The following CAB39L variants were observed in gnomAD, a reference collection of about 807,000 sequenced individuals.
CAB39L encodes the protein calcium binding protein 39 like.
In CAB39L, 23 loss-of-function variants were observed where a neutral mutation model predicts 39.1. That is an observed-to-expected ratio of 0.59 (90% CI 0.42 to 0.83). The LOEUF (loss-of-function observed/expected upper bound fraction) is 0.83, where lower values mean the gene tolerates loss of function less well. CAB39L is among the 40% of genes least tolerant of loss of function. CAB39L has a pLI of 0.00. For synonymous variants in CAB39L, 126 were observed against 137.2 expected (o/e 0.92, Z 0.57); for missense variants, 366 against 391.9 (o/e 0.93, Z 0.56).
chr13:49,350,171 C>A (rs1330273196), intron 7 of CAB39L, among the ~76,000 whole-genome samples: 1 of 152,064 alleles, frequency 6.6e-6, no homozygotes, highest in Non-Finnish European at 1.5e-5. Context: ...TACATAGTGA[C>A]AAAGTAGATA....
chr13:49,361,902 ATACT>A (rs2138511173), intron 5 of CAB39L, among the ~76,000 whole-genome samples: 1 of 152,200 alleles, frequency 6.6e-6, no homozygotes, highest in Admixed American at 6.5e-5. Flanking sequence ...ACAGCAGCAA[ATACT>A]TACTGAGTGC....
intron 3 of CAB39L, among the ~76,000 whole-genome samples, chr13:49,427,381 C>T (rs1957260502): frequency 6.6e-6 from 1 of 152,126 alleles, no homozygotes; most frequent in Non-Finnish European, 1.5e-5. Context: ...GCCATGCCCA[C>T]TTAAAATATT....
At position 49,329,541 on chromosome 13, in the gene CAB39L, AAAAATATATATATAT is replaced by A. The variant is rs1184924628; in HGVS notation, c.834+2391_834+2405del. ...CCTACATATCTCTTCAATTAAAAAAAAAAATATATATATATATATATATATATATATATATATATA... is the reference window on the plus strand; with the variant it reads ...CCTACATATCTCTTCAATTAAAAAAAATATATATATATATATATATATATA... On this transcript the variant is annotated intron_variant, in intron 10 of 10. Transcript: ENST00000409308. Among the ~76,000 whole-genome samples, 119 of 36,488 alleles carry A rather than the reference AAAAATATATATATAT, an allele frequency of 3.3e-3. 8 individuals carry two copies. Among genetic ancestry groups the A allele is most frequent in the Non-Finnish European group, 3.6e-3 (79 of 21,966 alleles). 23.9% of individuals were successfully genotyped at this position (36,488 alleles called of 152,430 possible). A position where few individuals can be genotyped will look rare whatever the true frequency, so the allele number is the denominator to read the frequency against.
At chr13:49,365,286 C>T (rs545788503) in intron 5 of CAB39L, among the ~76,000 whole-genome samples, 3 of 152,168 alleles carry the variant, frequency 2.0e-5, no homozygotes, top group Non-Finnish European at 2.9e-5. Flanking sequence ...TTGTCACATA[C>T]AGAAATCAAA....
At chr13:49,389,333 G>C (rs1289396195) in intron 3 of CAB39L, among the ~76,000 whole-genome samples, 1 of 152,110 alleles carries the variant, frequency 6.6e-6, no homozygotes, top group East Asian at 1.9e-4. Context: ...TCCATCAAAA[G>C]ATAAATAGAT....
chr13:49,420,815 A>G (rs1404854543), intron 3 of CAB39L, among the ~76,000 whole-genome samples: 1 of 152,206 alleles, frequency 6.6e-6, no homozygotes, highest in Admixed American at 6.5e-5. Flanking sequence ...ATAGCTGCAT[A>G]TAAGGTCAAG....
At chr13:49,396,362 C>G (rs1956626398) in intron 3 of CAB39L, among the ~76,000 whole-genome samples, 2 of 152,010 alleles carry the variant, frequency 1.3e-5, no homozygotes, top group African/African-American at 2.4e-5. Context: ...ACTTAAGGCA[C>G]AGGCACCTTC....
At chr13:49,329,014 C>G (rs573147982) in intron 10 of CAB39L, among the ~76,000 whole-genome samples, 1 of 152,280 alleles carries the variant, frequency 6.6e-6, no homozygotes, top group South Asian at 2.1e-4. Flanking sequence ...AGATTCTCTA[C>G]ACAGACAACC....
chr13:49,345,082 A>C (rs151185392), intron 7 of CAB39L, among the ~76,000 whole-genome samples: 36 of 152,320 alleles, frequency 2.4e-4, no homozygotes, highest in African/African-American at 7.9e-4. Flanking sequence ...GCCTCACTTA[A>C]TCCCTTTTAT....
chr13:49,372,946 T>TA (rs1340619781), intron 5 of CAB39L, among the ~76,000 whole-genome samples: 1 of 152,234 alleles, frequency 6.6e-6, no homozygotes, highest in African/African-American at 2.4e-5. Context: ...GTGCTGGGAT[T>TA]ACAGGCATGA....
At chr13:49,443,939 A>G in intron 1 of CAB39L, 47 bp downstream of exon 1, 1 of 456,658 alleles carries the variant, frequency 2.2e-6, no homozygotes. Flanking sequence ...TTCAACCCCC[A>G]AGAAGCCCAG....
At chr13:49,318,888 C>A (rs9596079) in intron 10 of CAB39L, among the ~76,000 whole-genome samples, 94,056 of 151,204 alleles carry the variant, frequency 0.62, 30,038 homozygotes, top group South Asian at 0.78. Flanking sequence ...CCAAATGTCC[C>A]TTAACTGATG....
In CAB39L at chr13:49,310,227, G is replaced by T; in HGVS notation, c.*587C>A. 1 of 152,858 alleles carries T rather than the reference G, an allele frequency of 6.5e-6. No individual in the cohort carries two copies. Among genetic ancestry groups the T allele is most frequent in the Non-Finnish European group, 1.5e-5 (1 of 68,428 alleles). 9.5% of individuals were successfully genotyped at this position (152,858 alleles called of 1,614,324 possible). On this transcript the variant is annotated 3_prime_UTR_variant, in exon 11 of 11. Transcript: ENST00000409308. ...GCGCCCACTGAGGCCATGCTGAGGA[G>T]CTGGGATGGAATGCAGGACAGGGAG...
intron 5 of CAB39L, among the ~76,000 whole-genome samples, chr13:49,367,987 T>C (rs1955814740): frequency 6.6e-6 from 1 of 152,092 alleles, no homozygotes; most frequent in South Asian, 2.1e-4. Context: ...TTAAAGACTA[T>C]ATTTGCTGTA....
chr13:49,365,012 A>T (rs964324781), intron 5 of CAB39L, among the ~76,000 whole-genome samples: 1 of 152,206 alleles, frequency 6.6e-6, no homozygotes, highest in Non-Finnish European at 1.5e-5. Flanking sequence ...AAAAGAACAA[A>T]ACTGAAGAAA....
chr13:49,372,916 G>A (rs9591256), intron 5 of CAB39L, among the ~76,000 whole-genome samples: 81,230 of 151,836 alleles, frequency 0.53, 23,012 homozygotes, highest in African/African-American at 0.7. Context: ...CTTGTGATCC[G>A]CCCGCCTCGG....
intron 5 of CAB39L, among the ~76,000 whole-genome samples, chr13:49,371,301 C>T (rs188635215): frequency 1.3e-5 from 2 of 151,464 alleles, no homozygotes. Context: ...GATTCTCCTG[C>T]CTCAGCCTCC....
At chr13:49,329,331 G>A (rs1043899789) in intron 10 of CAB39L, among the ~76,000 whole-genome samples, 1 of 151,880 alleles carries the variant, frequency 6.6e-6, no homozygotes, top group Non-Finnish European at 1.5e-5. Flanking sequence ...GGAAAGTCCA[G>A]TTGGGATTTT....
chr13:49,383,454 T>C (rs569267282), intron 3 of CAB39L, among the ~76,000 whole-genome samples: 143 of 152,326 alleles, frequency 9.4e-4, no homozygotes, highest in African/African-American at 3.3e-3. Flanking sequence ...CCTTTTTCCA[T>C]TATTTTAAAA....
Sources: allele counts gnomAD v4.1 joint callset (sites outside exome capture counted in the v4.1 genomes callset), GRCh38; gene constraint gnomAD v4.1.1; transcripts MANE v1.5; gene names NCBI Gene and HGNC (gene_info 2026-07-23, HGNC 2026-07-21).